The following PALD1 variants were observed in gnomAD, a reference collection of about 807,000 sequenced individuals.
The protein encoded by PALD1 is paladin.
In PALD1, 57 loss-of-function variants were observed where a neutral mutation model predicts 96.0. The ratio of observed to expected loss-of-function variants is 0.59; its 90% CI spans 0.48 to 0.74. The LOEUF is 0.74. Among genes scored for constraint, PALD1 ranks in the 30% least tolerant of loss-of-function variants. The pLI, the probability that PALD1 is intolerant of heterozygous loss-of-function variation, is 0.00. For missense variants in PALD1, 1,063 were observed against 1,143.7 expected (o/e 0.93, Z 1.02); for synonymous variants, 464 against 473.6 (o/e 0.98, Z 0.26).
Position 70,539,744 on chromosome 10 carries a change from C to A in PALD1, c.1890C>A (p.Phe630Leu). Residue 630 changes from phenylalanine to leucine, a missense_variant, in exon 15 of 20, where the codon TTC becomes TTA. Phe to Leu is a conservative substitution (Grantham distance 22). Coordinates refer to ENST00000263563, the MANE Select transcript of PALD1 (RefSeq NM_014431.3). The surrounding 1 kb of genome is among the most constrained non-coding windows in gnomAD (Gnocchi z 4.5). The stretch of plus-strand genomic sequence containing the variant: ...ACCACCGCATCCCCATGCCGGACTT[C>A]TGTGCCCCCCGAGAGGAGGTGAGGG... ...LTYHRIPMPD[F>L]CAPREEDFDQ... is the part of the protein sequence containing the mutation. 6.2e-7 allele frequency: 1 copy of A among 1,611,482 alleles called. No individual in the cohort carries two copies. Among genetic ancestry groups the A allele is most frequent in the Non-Finnish European group, 8.5e-7 (1 of 1,179,330 alleles).
At chr10:70,532,498 A>C in intron 5 of PALD1, 123 bp from the exon 6 acceptor site, 2 of 946,582 alleles carry the variant, frequency 2.1e-6, no homozygotes, top group Non-Finnish European at 1.6e-6. Flanking sequence ...TAGTTCCCTC[A>C]TGGGGGGCAG....
At chr10:70,460,322 G>A in the PALD1 span, among the ~76,000 whole-genome samples, 1,579 of 152,210 alleles carry the variant, frequency 0.01, 26 homozygotes, top group African/African-American at 0.036. Context: ...CATGGTGCCC[G>A]GCCTTTGTCT....
At chr10:70,498,954 G>A (rs577458485) in intron 1 of PALD1, among the ~76,000 whole-genome samples, 14 of 151,760 alleles carry the variant, frequency 9.2e-5, no homozygotes, top group East Asian at 3.9e-4. Context: ...GGTATCATAC[G>A]TCTTTGGGAT....
chr10:70,468,745 T>C, the PALD1 span, among the ~76,000 whole-genome samples: 1 of 148,680 alleles, frequency 6.7e-6, no homozygotes, highest in African/African-American at 2.5e-5. Flanking sequence ...TGTGTGTGTG[T>C]GTGTGTTTTG....
At chr10:70,479,391 A>G (rs528308740) in intron 1 of PALD1, among the ~76,000 whole-genome samples, 1 of 152,046 alleles carries the variant, frequency 6.6e-6, no homozygotes, top group African/African-American at 2.4e-5. Context: ...CCGCGAAGTT[A>G]GGGGGAGATT....
rs1847862735 is a variant in PALD1, at chr10:70,566,668, C to T, written c.2506C>T (p.Leu836=). ...ESGEDQPFSR[L]RYRWQEQSCS... ...CGGGGAGGACCAGCCCTTCTCCAGG[C>T]TGCGCTACCGGTGGCAGGAGCAGAG... Residue 836 remains leucine (L), a synonymous_variant, in exon 20 of 20, where the codon CTG becomes TTG. Coordinates refer to ENST00000263563, the MANE Select transcript of PALD1 (RefSeq NM_014431.3). 11 of 1,609,710 alleles carry T rather than the reference C, an allele frequency of 6.8e-6. No individual in the cohort carries two copies. Among genetic ancestry groups the T allele is most frequent in the Non-Finnish European group, 7.6e-6 (9 of 1,178,876 alleles).
At chr10:70,500,290 G>A (rs1846269236) in intron 1 of PALD1, among the ~76,000 whole-genome samples, 1 of 152,070 alleles carries the variant, frequency 6.6e-6, no homozygotes. Context: ...CCTCCACATG[G>A]TGCCTCCTCC....
At chr10:70,495,654 G>A (rs930051939) in intron 1 of PALD1, among the ~76,000 whole-genome samples, 9 of 151,984 alleles carry the variant, frequency 5.9e-5, no homozygotes, top group African/African-American at 9.7e-5. Flanking sequence ...GGGCATAAGC[G>A]TTTTCTCTAT....
chr10:70,535,352 C>G (rs1331963703), intron 10 of PALD1, among the ~76,000 whole-genome samples: 1 of 152,140 alleles, frequency 6.6e-6, no homozygotes, highest in Non-Finnish European at 1.5e-5. Flanking sequence ...CTTCTTTTTT[C>G]TTGTTTCTTC....
chr10:70,489,903 GT>G (rs888818979), intron 1 of PALD1, among the ~76,000 whole-genome samples: 9 of 152,044 alleles, frequency 5.9e-5, no homozygotes, highest in African/African-American at 2.2e-4. Context: ...CAACATATGG[GT>G]TTTTTGTAGA....
In PALD1 at chr10:70,539,375, CAG is replaced by C; in HGVS notation, c.1725+129_1725+130del. 9.0e-7 allele frequency: 1 copy of C among 1,108,822 alleles called. No individual in the cohort carries two copies. Among genetic ancestry groups the C allele is most frequent in the Non-Finnish European group, 1.3e-6 (1 of 795,188 alleles). 68.7% of individuals were successfully genotyped at this position (1,108,822 alleles called of 1,614,324 possible). On this transcript the variant is annotated intron_variant, in intron 14 of 19. Coordinates refer to ENST00000263563, the MANE Select transcript of PALD1 (RefSeq NM_014431.3). The surrounding 1 kb of genome is among the most constrained non-coding windows in gnomAD (Gnocchi z 4.5). ...TCTGAGGCCCCGGGAGGAGCAGTGT[CAG>C]GGAGTGGCCAACTCAGGATTCCCAC...
intron 10 of PALD1, among the ~76,000 whole-genome samples, chr10:70,535,910 A>C (rs1299869665): frequency 6.6e-6 from 1 of 151,900 alleles, no homozygotes; most frequent in Non-Finnish European, 1.5e-5. Flanking sequence ...CTGGTCTTCA[A>C]CTCCTGGCCT....
At chr10:70,509,420 C>T (rs565615981) in intron 1 of PALD1, among the ~76,000 whole-genome samples, 10 of 152,318 alleles carry the variant, frequency 6.6e-5, no homozygotes, top group African/African-American at 2.4e-4. Context: ...ATGTGAAATG[C>T]ACTTGGTAAA....
At chr10:70,565,476 A>T (rs1847825691) in intron 19 of PALD1, among the ~76,000 whole-genome samples, 1 of 152,118 alleles carries the variant, frequency 6.6e-6, no homozygotes, top group Non-Finnish European at 1.5e-5. Context: ...TCTGGACTGG[A>T]GGCTGGAATT....
intron 18 of PALD1, among the ~76,000 whole-genome samples, chr10:70,561,035 C>T (rs1847728552): frequency 6.6e-6 from 1 of 152,182 alleles, no homozygotes; most frequent in African/African-American, 2.4e-5. Flanking sequence ...CCCTCGGAAC[C>T]TTCTGGGGGC....
At chr10:70,458,500 C>T in the PALD1 span, among the ~76,000 whole-genome samples, 1 of 152,134 alleles carries the variant, frequency 6.6e-6, no homozygotes, top group Non-Finnish European at 1.5e-5. Context: ...GCGCGGAGGG[C>T]GACCCGGGTG....
chr10:70,507,508 T>TTGACC (rs1250519669), intron 1 of PALD1, among the ~76,000 whole-genome samples: 2 of 152,216 alleles, frequency 1.3e-5, no homozygotes, highest in African/African-American at 4.8e-5. Flanking sequence ...CACTGCAGCC[T>TTGACC]TGACCTGGGC....
chr10:70,558,110 T>C (rs1268778242), intron 18 of PALD1, among the ~76,000 whole-genome samples: 2 of 151,700 alleles, frequency 1.3e-5, no homozygotes, highest in Non-Finnish European at 2.9e-5. Context: ...ACCTGCCTCT[T>C]TTTTGTTGTT....
At chr10:70,541,040 C>T in intron 15 of PALD1, 62 bp from the exon 16 acceptor site, 1 of 1,508,016 alleles carries the variant, frequency 6.6e-7, no homozygotes, top group Non-Finnish European at 8.9e-7. Flanking sequence ...GGATGGGGAC[C>T]CTGTTGGGGT....
Sources: gnomAD v4.1 joint callset for allele counts (sites outside exome capture counted in the v4.1 genomes callset) on GRCh38, gnomAD v4.1.1 for gene constraint, Gnocchi (gnomAD v3.1) non-coding constraint, MANE v1.5 for transcripts, NCBI Gene and HGNC (gene_info 2026-07-23, HGNC 2026-07-21) for gene names.